BACE2: variants seen among roughly 807,000 people sequenced by gnomAD.
BACE2 encodes the protein 56 kDa aspartic-like protease.
BACE2 carries 17 observed loss-of-function variants against 46.2 expected under a neutral mutation model. The ratio of observed to expected loss-of-function variants is 0.37; its 90% CI spans 0.25 to 0.55. The LOEUF (loss-of-function observed/expected upper bound fraction) is 0.55. Among genes scored for constraint, BACE2 ranks in the 20% least tolerant of loss-of-function variants. The probability of loss-of-function intolerance (pLI) is 0.82; values close to 1 mark genes in which losing one functional copy is unlikely to be tolerated. For synonymous variants in BACE2, 277 were observed against 295.9 expected, an observed-to-expected ratio of 0.94 and a Z score of 0.66; for missense variants, 595 against 698.1, an observed-to-expected ratio of 0.85 and a Z score of 1.66.
intron 1 of BACE2, among the ~76,000 whole-genome samples, chr21:41,173,322 T>C (rs1355328527): frequency 6.6e-6 from 1 of 152,196 alleles, no homozygotes; most frequent in Admixed American, 6.5e-5. Context: ...TAGTGCTGTA[T>C]TGATATGAAG....
intron 4 of BACE2, among the ~76,000 whole-genome samples, chr21:41,242,323 G>A (rs960321207): frequency 6.7e-6 from 1 of 148,244 alleles, no homozygotes; most frequent in Non-Finnish European, 1.5e-5. Context: ...GGGAAACAGG[G>A]GCCCTTGTAG....
In BACE2 at chr21:41,275,763, C is replaced by G; in HGVS notation, c.*139C>G. 1 of 928,328 alleles carries G rather than the reference C, an allele frequency of 1.1e-6. No homozygotes were observed. The highest frequency in any genetic ancestry group is 1.8e-5 in the South Asian group (1 of 55,820). 57.5% of individuals were successfully genotyped at this position (928,328 alleles called of 1,614,324 possible). On this transcript the variant is annotated 3_prime_UTR_variant, in exon 9 of 9. Transcript: ENST00000330333. Reference sequence around the variant, plus strand: ...TCTCTGTTCTGCTCCCAGATGCCTTCTAGATTCACTGTCTTTTGATTCTTG... The same window carrying G: ...TCTCTGTTCTGCTCCCAGATGCCTTGTAGATTCACTGTCTTTTGATTCTTG...
chr21:41,221,671 CA>C (rs994052801), intron 1 of BACE2, among the ~76,000 whole-genome samples: 7 of 151,692 alleles, frequency 4.6e-5, no homozygotes, highest in Non-Finnish European at 8.8e-5. Flanking sequence ...TAAAAAAATA[CA>C]AAAAAATTAG....
intron 1 of BACE2, among the ~76,000 whole-genome samples, chr21:41,212,354 C>G (rs1238679763): frequency 6.6e-6 from 1 of 152,202 alleles, no homozygotes. Context: ...TCCCAAAGGC[C>G]TTGCCTCCTA....
chr21:41,192,821 C>T (rs1291438491), intron 1 of BACE2, among the ~76,000 whole-genome samples: 1 of 152,222 alleles, frequency 6.6e-6, no homozygotes, highest in Non-Finnish European at 1.5e-5. Flanking sequence ...GTAACACACC[C>T]AAATGAGGAA....
intron 8 of BACE2, among the ~76,000 whole-genome samples, chr21:41,274,531 C>CTTAA (rs1440061531): frequency 6.6e-6 from 1 of 152,088 alleles, no homozygotes; most frequent in Non-Finnish European, 1.5e-5. Context: ...GCAAGTAAAG[C>CTTAA]TTAAGATCCC....
intron 3 of BACE2, among the ~76,000 whole-genome samples, chr21:41,238,631 T>G (rs1183468224): frequency 6.6e-6 from 1 of 151,942 alleles, no homozygotes; most frequent in South Asian, 2.1e-4. Context: ...CCATAAAAAA[T>G]GATGAGTTCA....
intron 1 of BACE2, chr21:41,179,559 G>A: frequency 1.8e-5 from 24 of 1,367,272 alleles, no homozygotes; most frequent in Non-Finnish European, 2.3e-5. Context: ...GTGAGTGAGG[G>A]TGTCCAGGGT....
intron 1 of BACE2, among the ~76,000 whole-genome samples, chr21:41,210,229 A>AAG (rs1986255281): frequency 7.8e-6 from 1 of 128,670 alleles, no homozygotes; most frequent in Admixed American, 7.2e-5. Flanking sequence ...CCAACTGAAC[A>AAG]GACCCTTCTT....
At chr21:41,188,769 G>C (rs1396155870) in intron 1 of BACE2, among the ~76,000 whole-genome samples, 6 of 152,216 alleles carry the variant, frequency 3.9e-5, no homozygotes, top group African/African-American at 1.2e-4. Context: ...AAGTCAACAT[G>C]GTGGTGGGAA....
intron 1 of BACE2, among the ~76,000 whole-genome samples, chr21:41,212,069 A>G (rs1016198391): frequency 3.9e-5 from 6 of 152,218 alleles, no homozygotes; most frequent in Non-Finnish European, 5.9e-5. Flanking sequence ...TGGCCTTCAG[A>G]AAGCTTCTCT....
chr21:41,273,484 C>A (rs773544078), intron 8 of BACE2, among the ~76,000 whole-genome samples: 1 of 152,202 alleles, frequency 6.6e-6, no homozygotes, highest in African/African-American at 2.4e-5. Flanking sequence ...AATAATTCAG[C>A]GATATTTCTC....
At chr21:41,275,185 A>G (rs2088472308) in intron 8 of BACE2, among the ~76,000 whole-genome samples, 186 bp from the exon 9 acceptor site, 1 of 152,134 alleles carries the variant, frequency 6.6e-6, no homozygotes, top group African/African-American at 2.4e-5. Context: ...TCCAGTTTGC[A>G]GGGACTGGAC....
chr21:41,187,688 C>T (rs117734181), intron 1 of BACE2, among the ~76,000 whole-genome samples: 1 of 151,720 alleles, frequency 6.6e-6, no homozygotes, highest in Non-Finnish European at 1.5e-5. Flanking sequence ...TGTGTAGATA[C>T]TGAGCAAGAG....
At chr21:41,179,685 A>C (rs1985034754) in intron 1 of BACE2, 1 of 1,321,496 alleles carries the variant, frequency 7.6e-7, no homozygotes, top group African/African-American at 1.5e-5. Context: ...CCTTACAAAG[A>C]ATGTGAAAAC....
intron 8 of BACE2, among the ~76,000 whole-genome samples, chr21:41,258,578 G>A (rs1393197805): frequency 6.6e-6 from 1 of 152,206 alleles, no homozygotes; most frequent in Admixed American, 6.5e-5. Flanking sequence ...GGTAAATAAA[G>A]CAGATAAAGG....
intron 8 of BACE2, among the ~76,000 whole-genome samples, chr21:41,265,868 C>T (rs979396753): frequency 6.6e-6 from 1 of 152,070 alleles, no homozygotes; most frequent in Non-Finnish European, 1.5e-5. Context: ...AATGGCTTTC[C>T]TCACTAAAAG....
rs182104924 is a variant in BACE2, at chr21:41,227,806, G to A, written c.401+1452G>A. ...ATAACCACAAACGTGTGTAGAAGTC[G>A]TGGTGGTGTTTCTCTCTGTGTGTGC... On this transcript the variant is annotated intron_variant, in intron 2 of 8. Transcript: ENST00000330333. Among the ~76,000 whole-genome samples the A allele has an allele frequency of 1.2e-3, 180 of 152,010 alleles. 1 individual carries two copies. The highest frequency in any genetic ancestry group is 3.4e-3 in the Middle Eastern group (1 of 294).
intron 1 of BACE2, among the ~76,000 whole-genome samples, chr21:41,223,432 C>A (rs1986716850): frequency 6.6e-6 from 1 of 152,076 alleles, no homozygotes; most frequent in Non-Finnish European, 1.5e-5. Context: ...GTTGGTGGGG[C>A]CATGCATCCT....
Sources: allele counts gnomAD v4.1 joint callset (sites outside exome capture counted in the v4.1 genomes callset), GRCh38; gene constraint gnomAD v4.1.1; transcripts MANE v1.5; gene names NCBI Gene and HGNC (gene_info 2026-07-23, HGNC 2026-07-21).